Variants in OLA1 observed in about 807,000 individuals in gnomAD.
OLA1 encodes obg-like ATPase 1.
Under a neutral mutation model 48.4 loss-of-function variants are expected in OLA1, and 14 were observed. The observed-to-expected ratio is 0.29, with a 90% CI of 0.19 to 0.45. The LOEUF (loss-of-function observed/expected upper bound fraction) is 0.45, where lower values mean the gene tolerates loss of function less well. OLA1 is among the 20% of genes least tolerant of loss of function. The probability of loss-of-function intolerance (pLI) is 1.00; values close to 1 mark genes in which losing one functional copy is unlikely to be tolerated. For synonymous variants in OLA1, 127 were observed against 150.4 expected (o/e 0.84, Z 1.14); for missense variants, 325 against 467.1 (o/e 0.70, Z 2.80).
At chr2:174,200,532 A>G (rs1339085863) in intron 4 of OLA1, among the ~76,000 whole-genome samples, 1 of 152,204 alleles carries the variant, frequency 6.6e-6, no homozygotes, top group Admixed American at 6.5e-5. Context: ...AAAGCTATCA[A>G]AGACCACTAA....
intron 4 of OLA1, among the ~76,000 whole-genome samples, chr2:174,192,928 C>G (rs1430779229): frequency 1.3e-5 from 2 of 151,888 alleles, no homozygotes; most frequent in Non-Finnish European, 2.9e-5. Flanking sequence ...TTCTTTTTAC[C>G]TTTCATTTTA....
At chr2:174,206,141 T>C (rs1457826156) in intron 4 of OLA1, among the ~76,000 whole-genome samples, 2 of 152,226 alleles carry the variant, frequency 1.3e-5, no homozygotes, top group African/African-American at 2.4e-5. Context: ...CCAAGTTACA[T>C]ATAACAACAA....
chr2:174,232,462 G>A (rs1259238750), intron 2 of OLA1, among the ~76,000 whole-genome samples: 2 of 152,140 alleles, frequency 1.3e-5, no homozygotes, highest in East Asian at 3.9e-4. Context: ...GTATACATGG[G>A]TGAGTATAAT....
chr2:174,122,614 T>G (rs1685938327), intron 7 of OLA1, among the ~76,000 whole-genome samples: 1 of 152,196 alleles, frequency 6.6e-6, no homozygotes, highest in Non-Finnish European at 1.5e-5. Flanking sequence ...TCAGTGATAG[T>G]AACAAATCTT....
rs185508652 is a variant in OLA1, at chr2:174,114,014, T to A, written c.728+9166A>T. 4.6e-5 allele frequency among the ~76,000 whole-genome samples: 7 copies of A among 152,126 alleles called. No individual in the cohort carries two copies. The East Asian group carries it at 1.2e-3, about 25-fold the overall frequency. ...ACAATAAATAATGGTTTGCTATGTA[T>A]GTCTTTTAGTTTGGTATAAGAAAAG... On this transcript the variant is annotated intron_variant, in intron 7 of 10. Transcript: ENST00000284719.
At chr2:174,080,964 C>T in intron 9 of OLA1, 188 bp downstream of exon 9, 1 of 554,022 alleles carries the variant, frequency 1.8e-6, no homozygotes, top group South Asian at 2.1e-5. Context: ...CAATTGTTAC[C>T]TGCCTCAATC....
In OLA1 at chr2:174,097,238, G is replaced by T. The variant is rs138806492; in HGVS notation, c.729-15174C>A. 4.1e-3 allele frequency among the ~76,000 whole-genome samples: 629 copies of T among 152,220 alleles called. 4 individuals are homozygous for T. The highest frequency in any genetic ancestry group is 0.014 in the African/African-American group (576 of 41,540). ...TGCCTAACTGAATATTTATAGATAG[G>T]GAGGTAACTGGAAGGGAAAGAATTC... On this transcript the variant is annotated intron_variant, in intron 7 of 10. Coordinates refer to ENST00000284719, the MANE Select transcript of OLA1 (RefSeq NM_013341.5).
chr2:174,076,811 G>A (rs1247196167), intron 10 of OLA1, among the ~76,000 whole-genome samples: 3 of 150,886 alleles, frequency 2.0e-5, no homozygotes, highest in South Asian at 2.1e-4. Context: ...ACACATATGT[G>A]TGTGTGTATA....
At chr2:174,083,342 A>G (rs149898313) in intron 7 of OLA1, among the ~76,000 whole-genome samples, 4 of 152,234 alleles carry the variant, frequency 2.6e-5, no homozygotes, top group East Asian at 3.9e-4. Context: ...AATTAAGACT[A>G]TGGCCCATTG....
At chr2:174,225,588 C>G (rs1196044490) in intron 3 of OLA1, among the ~76,000 whole-genome samples, 2 of 152,050 alleles carry the variant, frequency 1.3e-5, no homozygotes, top group East Asian at 1.9e-4. Flanking sequence ...AGAAGCCAAA[C>G]AGATGCTGGT....
chr2:174,150,033 T>C (rs757569042), intron 4 of OLA1, among the ~76,000 whole-genome samples: 19 of 152,192 alleles, frequency 1.2e-4, no homozygotes, highest in Non-Finnish European at 2.1e-4. Flanking sequence ...TTCACAGCAA[T>C]ACTTATAAAC....
intron 2 of OLA1, among the ~76,000 whole-genome samples, chr2:174,232,298 A>G (rs927151477): frequency 6.6e-6 from 1 of 152,228 alleles, no homozygotes; most frequent in Non-Finnish European, 1.5e-5. Context: ...AGCATTCTGA[A>G]TTAACTATTT....
intron 7 of OLA1, among the ~76,000 whole-genome samples, chr2:174,085,861 T>C (rs559505837): frequency 2.0e-5 from 3 of 152,368 alleles, no homozygotes; most frequent in East Asian, 3.9e-4. Flanking sequence ...CAACATTAAT[T>C]TGCAAGTTCT....
At chr2:174,126,300 A>G (rs1686041701) in intron 5 of OLA1, among the ~76,000 whole-genome samples, 1 of 152,114 alleles carries the variant, frequency 6.6e-6, no homozygotes, top group South Asian at 2.1e-4. Flanking sequence ...GATTAGAACA[A>G]TAAAAGGTTC....
intron 4 of OLA1, among the ~76,000 whole-genome samples, chr2:174,170,025 T>C (rs563802395): frequency 6.6e-6 from 1 of 152,320 alleles, no homozygotes; most frequent in East Asian, 1.9e-4. Context: ...CATGAAGTGA[T>C]ACAATATAAA....
At chr2:174,142,959 A>G (rs1173124282) in intron 4 of OLA1, among the ~76,000 whole-genome samples, 1 of 152,226 alleles carries the variant, frequency 6.6e-6, no homozygotes, top group Non-Finnish European at 1.5e-5. Flanking sequence ...TCAAACATAA[A>G]GTATCAATTA....
intron 7 of OLA1, among the ~76,000 whole-genome samples, chr2:174,114,593 G>T (rs1294263548): frequency 6.6e-6 from 1 of 151,914 alleles, no homozygotes; most frequent in African/African-American, 2.4e-5. Flanking sequence ...ATTTCAAAAT[G>T]GATTAAATCC....
intron 4 of OLA1, among the ~76,000 whole-genome samples, chr2:174,199,730 T>C (rs1687950978): frequency 6.8e-6 from 1 of 147,178 alleles, no homozygotes; most frequent in Admixed American, 6.8e-5. Context: ...TTAATATGAG[T>C]ACAGAATGTT....
chr2:174,229,263 A>G (rs1281590653), intron 3 of OLA1, 45 bp downstream of exon 3: 2 of 1,575,418 alleles, frequency 1.3e-6, no homozygotes, highest in African/African-American at 2.7e-5. Context: ...ACATCTGCCC[A>G]ATCTACACAA....
Sources: allele counts gnomAD v4.1 joint callset (sites outside exome capture counted in the v4.1 genomes callset), GRCh38; gene constraint gnomAD v4.1.1; transcripts MANE v1.5; gene names NCBI Gene and HGNC (gene_info 2026-07-23, HGNC 2026-07-21).